Variants in RBFOX1 observed in about 807,000 individuals in gnomAD.
RBFOX1 encodes RNA binding fox-1 homolog 1.
Under a neutral mutation model 57.7 loss-of-function variants are expected in RBFOX1, and 8 were observed. That is an observed-to-expected ratio of 0.14 (90% CI 0.08 to 0.25). The LOEUF (loss-of-function observed/expected upper bound fraction) is 0.25. Ranked by LOEUF, RBFOX1 falls within the 10% of genes least tolerant of loss-of-function variation. The pLI is 1.00. For synonymous variants in RBFOX1, 326 were observed against 222.4 expected (o/e 1.47, Z -4.15); for missense variants, 611 against 548.5 (o/e 1.11, Z -1.14).
rs1032956343 is a variant in RBFOX1, at chr16:7,655,725, T to C, written c.890+1778T>C. The stretch of plus-strand genomic sequence containing the variant: ...ACTTATACCACATTCGTTTGAAAAT[T>C]GTTCTCAGTACATGGGAGTTGAAGG... On this transcript the variant is annotated intron_variant, in intron 12 of 15. Coordinates refer to ENST00000550418, the MANE Select transcript of RBFOX1 (RefSeq NM_018723.4). Among the ~76,000 whole-genome samples, 23 of 152,058 alleles carry C rather than the reference T, an allele frequency of 1.5e-4. 1 individual carries two copies. The highest frequency in any genetic ancestry group is 1.4e-3 in the Admixed American group (21 of 15,270).
At chr16:6,970,937 C>T (rs772214758) in intron 3 of RBFOX1, among the ~76,000 whole-genome samples, 7 of 152,178 alleles carry the variant, frequency 4.6e-5, no homozygotes, top group Non-Finnish European at 5.9e-5. Context: ...GAAACACATG[C>T]ACACAGGTGC....
intron 1 of RBFOX1, among the ~76,000 whole-genome samples, chr16:5,293,966 T>C (rs1449405855): frequency 1.3e-5 from 2 of 152,196 alleles, no homozygotes; most frequent in Admixed American, 6.5e-5. Flanking sequence ...CAATGGCTCA[T>C]GCCTGTAATC....
intron 3 of RBFOX1, among the ~76,000 whole-genome samples, chr16:6,967,292 C>G (rs1029315408): frequency 2.0e-5 from 3 of 149,080 alleles, no homozygotes; most frequent in African/African-American, 5.2e-5. Flanking sequence ...CATTATCCAT[C>G]CATTATTTAT....
In RBFOX1 at chr16:5,881,346, T is replaced by A. The variant is rs4141199; in HGVS notation, c.351+14011T>A. ...CTCTGCCCAGTGCCTGGTTTTAACCTGTGGCTTCTTCTTTTCCAATACAGC... is the reference window on the plus strand; with the variant it reads ...CTCTGCCCAGTGCCTGGTTTTAACCAGTGGCTTCTTCTTTTCCAATACAGC... On this transcript the variant is annotated intron_variant, in intron 4 of 19. Transcript: ENST00000641259. 8.0e-4 allele frequency among the ~76,000 whole-genome samples: 121 copies of A among 152,134 alleles called. 2 individuals are homozygous for A. The South Asian group carries it at 0.024, about 30-fold the overall frequency.
intron 4 of RBFOX1, among the ~76,000 whole-genome samples, chr16:7,054,626 T>C (rs1337201183): frequency 6.6e-6 from 1 of 151,902 alleles, no homozygotes; most frequent in East Asian, 1.9e-4. Context: ...AAATGCATTT[T>C]CCTCAATCTC....
chr16:7,709,588 C>T (rs1036516009), intron 15 of RBFOX1: 36 of 1,530,690 alleles, frequency 2.4e-5, no homozygotes, highest in Non-Finnish European at 3.0e-5. Flanking sequence ...GACTGCCTCT[C>T]CTCCCCTATT....
intron 2 of RBFOX1, among the ~76,000 whole-genome samples, chr16:6,604,243 C>CATGT (rs1189797585): frequency 6.6e-6 from 1 of 151,976 alleles, no homozygotes; most frequent in African/African-American, 2.4e-5. Context: ...ATAGGTGCAC[C>CATGT]ATGTCTATCA....
At chr16:6,008,801 A>C (rs759131509) in intron 4 of RBFOX1, among the ~76,000 whole-genome samples, 1 of 152,198 alleles carries the variant, frequency 6.6e-6, no homozygotes, top group Non-Finnish European at 1.5e-5. Context: ...GTTCTCCGTG[A>C]ACTGCTCCAG....
intron 4 of RBFOX1, among the ~76,000 whole-genome samples, chr16:7,214,502 C>T (rs954413052): frequency 6.6e-6 from 1 of 151,992 alleles, no homozygotes; most frequent in Non-Finnish European, 1.5e-5. Context: ...CATCATCTCT[C>T]TGGTCCAAAC....
chr16:7,521,387 A>T (rs2077484540), intron 5 of RBFOX1, among the ~76,000 whole-genome samples: 1 of 152,222 alleles, frequency 6.6e-6, no homozygotes. Flanking sequence ...CATTAAAAAG[A>T]GTTTAAGCCA....
At chr16:5,971,386 T>C (rs1251332989) in intron 4 of RBFOX1, among the ~76,000 whole-genome samples, 1 of 152,192 alleles carries the variant, frequency 6.6e-6, no homozygotes, top group Non-Finnish European at 1.5e-5. Flanking sequence ...AAATAAGATA[T>C]GCTGGGTGTG....
rs954509859 is a variant in RBFOX1, at chr16:7,137,589, C to A, written c.27+85491C>A. Among the ~76,000 whole-genome samples the A allele has an allele frequency of 2.0e-5, 3 of 152,110 alleles. No homozygotes were observed. The South Asian group carries it at 6.2e-4, about 32-fold the overall frequency. ...AAACCTCCTTTTCTTTATACATTAC[C>A]CAGTCTCAGGTATGTCTTTATCAGC... On this transcript the variant is annotated intron_variant, in intron 4 of 15. Transcript: ENST00000550418.
chr16:5,308,318 C>A (rs922106430), intron 1 of RBFOX1, among the ~76,000 whole-genome samples: 1 of 138,570 alleles, frequency 7.2e-6, no homozygotes, highest in African/African-American at 2.7e-5. Context: ...CAGAGTGAGG[C>A]TCTGTCTAAA....
chr16:7,136,381 C>T (rs78261424), intron 4 of RBFOX1, among the ~76,000 whole-genome samples: 2 of 149,938 alleles, frequency 1.3e-5, no homozygotes, highest in Non-Finnish European at 3.0e-5. Context: ...AGTAGAGATA[C>T]AGAACATCTC....
At chr16:7,606,652 A>C (rs984849102) in intron 9 of RBFOX1, among the ~76,000 whole-genome samples, 1 of 152,254 alleles carries the variant, frequency 6.6e-6, no homozygotes, top group Non-Finnish European at 1.5e-5. Context: ...GGAAAATTAC[A>C]GGATTCCATT....
At chr16:7,062,331 AAAAAAAAG>A (rs1444599033) in intron 4 of RBFOX1, among the ~76,000 whole-genome samples, 2 of 150,454 alleles carry the variant, frequency 1.3e-5, no homozygotes, top group East Asian at 1.9e-4. Flanking sequence ...AAAAAAAAAA[AAAAAAAAG>A]AAAAGAAAAA....
At chr16:7,125,107 T>C (rs1207208669) in intron 4 of RBFOX1, among the ~76,000 whole-genome samples, 1 of 152,064 alleles carries the variant, frequency 6.6e-6, no homozygotes, top group Admixed American at 6.6e-5. Context: ...AAAGCCAAAA[T>C]GACAATATGA....
intron 4 of RBFOX1, among the ~76,000 whole-genome samples, chr16:7,209,513 A>C (rs1030250841): frequency 1.3e-5 from 2 of 152,122 alleles, no homozygotes; most frequent in Non-Finnish European, 2.9e-5. Context: ...AGCTTATTAC[A>C]TGGCTGGCTC....
chr16:7,093,517 AC>A (rs1429182553), intron 4 of RBFOX1, among the ~76,000 whole-genome samples: 1 of 152,210 alleles, frequency 6.6e-6, no homozygotes, highest in East Asian at 1.9e-4. Flanking sequence ...AGTCAGAGGT[AC>A]CCACTTATCC....
Sources: allele counts gnomAD v4.1 joint callset (sites outside exome capture counted in the v4.1 genomes callset), GRCh38; gene constraint gnomAD v4.1.1; transcripts MANE v1.5; gene names NCBI Gene and HGNC (gene_info 2026-07-23, HGNC 2026-07-21).